Variants in MTMR7 observed in about 807,000 individuals in gnomAD.
The protein encoded by MTMR7 is myotubularin related protein 7, also known as phosphatidylinositol-3-phosphate phosphatase MTMR7.
MTMR7 carries 76 observed loss-of-function variants against 81.2 expected under a neutral mutation model. The ratio of observed to expected loss-of-function variants is 0.94; its 90% CI spans 0.78 to 1.13. MTMR7 has a LOEUF of 1.13. MTMR7 is among the 50% of genes most tolerant of loss of function. The pLI is 0.00. For missense variants in MTMR7, 1,044 were observed against 820.0 expected (o/e 1.27, Z -3.34); for synonymous variants, 372 against 289.8 (o/e 1.28, Z -2.88).
At chr8:17,306,906 T>A (rs1445629528) in intron 10 of MTMR7, among the ~76,000 whole-genome samples, 3 of 136,022 alleles carry the variant, frequency 2.2e-5, no homozygotes, top group African/African-American at 8.7e-5. Flanking sequence ...ATTAAAGACT[T>A]AAACGTTAGA....
chr8:17,361,624 G>A (rs80172989), intron 3 of MTMR7, among the ~76,000 whole-genome samples: 6 of 152,124 alleles, frequency 3.9e-5, no homozygotes, highest in African/African-American at 1.4e-4. Flanking sequence ...GCATTCATTA[G>A]GCATGAAGAT....
chr8:17,372,734 T>C (rs1820456837), intron 2 of MTMR7, among the ~76,000 whole-genome samples: 1 of 152,078 alleles, frequency 6.6e-6, no homozygotes, highest in Admixed American at 6.5e-5. Flanking sequence ...AGAGGCAATG[T>C]AATAAAATGA....
At chr8:17,332,244 A>C (rs1819041184) in intron 6 of MTMR7, among the ~76,000 whole-genome samples, 1 of 152,228 alleles carries the variant, frequency 6.6e-6, no homozygotes, top group African/African-American at 2.4e-5. Flanking sequence ...TGCTTTTAAA[A>C]GCACAGTGCA....
rs189767018 is a variant in MTMR7, at chr8:17,353,165, C to T, written c.469-4084G>A. Among the ~76,000 whole-genome samples, 16 of 152,274 alleles carry T rather than the reference C, an allele frequency of 1.1e-4. No individual in the cohort carries two copies. In the East Asian group the frequency reaches 2.9e-3, roughly 28 times the overall value. ...CTATAACACAGATGAACCTTGAGGA[C>T]ATTAAATGACATAAGCCTGTCACAA... On this transcript the variant is annotated intron_variant, in intron 4 of 13. Coordinates refer to ENST00000180173, the MANE Select transcript of MTMR7 (RefSeq NM_004686.5).
chr8:17,396,050 G>A (rs1315985814), intron 1 of MTMR7, among the ~76,000 whole-genome samples: 1 of 151,530 alleles, frequency 6.6e-6, no homozygotes, highest in Non-Finnish European at 1.5e-5. Context: ...ACATGATATA[G>A]AATAAAATAT....
intron 7 of MTMR7, among the ~76,000 whole-genome samples, chr8:17,314,903 T>A (rs1005515024): frequency 1.3e-5 from 2 of 152,082 alleles, no homozygotes; most frequent in Admixed American, 6.5e-5. Flanking sequence ...AGGCCCAGCA[T>A]CACAGGCAGG....
intron 3 of MTMR7, among the ~76,000 whole-genome samples, chr8:17,365,057 C>T (rs535036083): frequency 7.2e-5 from 11 of 152,292 alleles, no homozygotes; most frequent in South Asian, 2.1e-4. Context: ...TCTCTTTCCT[C>T]CCCACCCTTG....
intron 7 of MTMR7, among the ~76,000 whole-genome samples, chr8:17,322,842 G>A (rs1337373616): frequency 2.0e-5 from 3 of 151,902 alleles, no homozygotes; most frequent in Middle Eastern, 3.4e-3. Context: ...AAAAATATAT[G>A]TATGTGTGTG....
At position 17,306,065 on chromosome 8, in the gene MTMR7, T is replaced by G. The variant is rs1817435112; in HGVS notation, c.1152-108A>C. ...GCAACCCTAGTTCCTAAATAAATCTTATCTTACAAACTTGGAATGACAAAA... is the reference window on the plus strand; with the variant it reads ...GCAACCCTAGTTCCTAAATAAATCTGATCTTACAAACTTGGAATGACAAAA... On this transcript the variant is annotated intron_variant, in intron 10 of 13. Coordinates refer to ENST00000180173, the MANE Select transcript of MTMR7 (RefSeq NM_004686.5). 2.1e-5 allele frequency: 18 copies of G among 850,028 alleles called. No homozygotes were observed. In the South Asian group the frequency reaches 3.5e-4, roughly 17 times the overall value. The allele number at this position is 850,028 out of a possible 1,614,324, so 52.7% of individuals were successfully genotyped here.
At chr8:17,364,464 T>A (rs1173402881) in intron 3 of MTMR7, among the ~76,000 whole-genome samples, 1 of 152,240 alleles carries the variant, frequency 6.6e-6, no homozygotes. Context: ...CGTTTCGAAA[T>A]GTACACTACT....
chr8:17,360,477 G>GT (rs1484075094), intron 4 of MTMR7, among the ~76,000 whole-genome samples: 4 of 146,018 alleles, frequency 2.7e-5, no homozygotes, highest in African/African-American at 1.1e-4. Flanking sequence ...GTGGGTTTGG[G>GT]GTTTTTTTTT....
intron 1 of MTMR7, among the ~76,000 whole-genome samples, chr8:17,389,922 C>G (rs921811118): frequency 6.6e-6 from 1 of 152,044 alleles, no homozygotes; most frequent in South Asian, 2.1e-4. Context: ...TCCATTCATA[C>G]AACAAATATT....
At chr8:17,360,368 T>C (rs1475451722) in intron 4 of MTMR7, among the ~76,000 whole-genome samples, 1 of 152,098 alleles carries the variant, frequency 6.6e-6, no homozygotes, top group Non-Finnish European at 1.5e-5. Context: ...CAATAATGAA[T>C]ATGCATTACT....
chr8:17,375,126 T>C (rs1369175312), intron 1 of MTMR7, among the ~76,000 whole-genome samples: 6 of 152,114 alleles, frequency 3.9e-5, no homozygotes, highest in Admixed American at 1.3e-4. Flanking sequence ...GGTCCTGATC[T>C]AGTTTGGGAG....
At chr8:17,384,023 G>A (rs1463143656) in intron 1 of MTMR7, among the ~76,000 whole-genome samples, 1 of 152,122 alleles carries the variant, frequency 6.6e-6, no homozygotes, top group Non-Finnish European at 1.5e-5. Flanking sequence ...GTTTCAAGTT[G>A]GAGTTCAGAG....
In MTMR7 at chr8:17,313,232, A is replaced by AT. The variant is rs1309342401; in HGVS notation, c.975+59dup. 20 of 1,300,528 alleles carry AT rather than the reference A, an allele frequency of 1.5e-5. No homozygotes were observed. In the African/African-American group the frequency reaches 2.9e-4, roughly 19 times the overall value. The allele number at this position is 1,300,528 out of a possible 1,614,324, so 80.6% of individuals were successfully genotyped here. ...GGAAGCCCATGGCAGAGGGATACCC[A>AT]TTTTGAAGTCAGTGGTTTGCTCATC... On this transcript the variant is annotated intron_variant, in intron 8 of 13. Transcript: ENST00000180173.
intron 1 of MTMR7, among the ~76,000 whole-genome samples, chr8:17,374,347 G>C (rs1160467068): frequency 6.6e-6 from 1 of 152,138 alleles, no homozygotes; most frequent in Non-Finnish European, 1.5e-5. Context: ...AATTGGCCGG[G>C]AGCGGTGGCT....
chr8:17,402,497 G>A (rs938737594), intron 1 of MTMR7, among the ~76,000 whole-genome samples: 3 of 152,078 alleles, frequency 2.0e-5, no homozygotes, highest in Non-Finnish European at 4.4e-5. Flanking sequence ...CCACAAATAA[G>A]CGAGAATATG....
intron 7 of MTMR7, among the ~76,000 whole-genome samples, chr8:17,317,817 G>A (rs530031641): frequency 6.6e-6 from 1 of 152,138 alleles, no homozygotes; most frequent in South Asian, 2.1e-4. Flanking sequence ...TCTAGTCTGT[G>A]GCATTACTTA....
Sources: allele counts gnomAD v4.1 joint callset (sites outside exome capture counted in the v4.1 genomes callset), GRCh38; gene constraint gnomAD v4.1.1; transcripts MANE v1.5; gene names NCBI Gene and HGNC (gene_info 2026-07-23, HGNC 2026-07-21).